The following GABRB1 variants were observed in gnomAD, a reference collection of about 807,000 sequenced individuals.
GABRB1 encodes gamma-aminobutyric acid type A receptor subunit beta1.
GABRB1 carries 17 observed loss-of-function variants against 51.6 expected under a neutral mutation model. The observed-to-expected ratio is 0.33, with a 90% CI of 0.23 to 0.49. The LOEUF is 0.49. Ranked by LOEUF, GABRB1 falls within the 20% of genes least tolerant of loss-of-function variation. The probability of loss-of-function intolerance (pLI) is 0.99; values close to 1 mark genes in which losing one functional copy is unlikely to be tolerated. For missense variants in GABRB1, 410 were observed against 600.6 expected (o/e 0.68, Z 3.32); for synonymous variants, 247 against 218.9 (o/e 1.13, Z -1.14).
At chr4:47,131,816 A>G (rs1052718706) in intron 3 of GABRB1, among the ~76,000 whole-genome samples, 2 of 152,198 alleles carry the variant, frequency 1.3e-5, no homozygotes. Context: ...GAAATGATTT[A>G]AGAACTTTGT....
intron 4 of GABRB1, among the ~76,000 whole-genome samples, chr4:47,305,930 T>A (rs559389307): frequency 3.2e-4 from 49 of 152,256 alleles, no homozygotes; most frequent in African/African-American, 1.1e-3. Context: ...TTTCTTTTTT[T>A]AAATATCAGA....
chr4:47,292,479 G>C (rs557297293), intron 4 of GABRB1, among the ~76,000 whole-genome samples: 7 of 152,278 alleles, frequency 4.6e-5, no homozygotes, highest in African/African-American at 1.7e-4. Flanking sequence ...ATATCTTTAG[G>C]CAAGCCCCTT....
intron 1 of GABRB1, among the ~76,000 whole-genome samples, chr4:47,020,712 C>T (rs1435256641): frequency 6.6e-6 from 1 of 152,136 alleles, no homozygotes; most frequent in African/African-American, 2.4e-5. Context: ...TATAATTTTC[C>T]CACTTGGATT....
intron 4 of GABRB1, among the ~76,000 whole-genome samples, chr4:47,234,185 C>G (rs986629379): frequency 1.3e-5 from 2 of 151,956 alleles, no homozygotes; most frequent in Admixed American, 1.3e-4. Context: ...ATGACAGCAA[C>G]CCCATCATTT....
chr4:47,297,628 C>T (rs1724056986), intron 4 of GABRB1, among the ~76,000 whole-genome samples: 1 of 152,130 alleles, frequency 6.6e-6, no homozygotes, highest in African/African-American at 2.4e-5. Flanking sequence ...AGCTTACCAA[C>T]CAAAAAGAGT....
At chr4:47,046,909 C>T (rs1726116440) in intron 3 of GABRB1, among the ~76,000 whole-genome samples, 1 of 152,060 alleles carries the variant, frequency 6.6e-6, no homozygotes, top group Non-Finnish European at 1.5e-5. Flanking sequence ...CCAAATACGG[C>T]ATGTTTTCAG....
At chr4:47,171,767 C>T (rs1401515439) in intron 4 of GABRB1, among the ~76,000 whole-genome samples, 1 of 152,080 alleles carries the variant, frequency 6.6e-6, no homozygotes, top group East Asian at 1.9e-4. Context: ...TGAGATAATA[C>T]TATCGCCTAT....
At chr4:47,096,432 T>C (rs1560532495) in intron 3 of GABRB1, among the ~76,000 whole-genome samples, 1 of 152,152 alleles carries the variant, frequency 6.6e-6, no homozygotes, top group Non-Finnish European at 1.5e-5. Context: ...AATGTACCAA[T>C]AACAGTAATA....
At chr4:47,197,548 G>T (rs6810554) in intron 4 of GABRB1, among the ~76,000 whole-genome samples, 129,184 of 152,154 alleles carry the variant, frequency 0.85, 54,818 homozygotes, top group Middle Eastern at 0.92. Flanking sequence ...AAACAATAGT[G>T]CTGCTACAAT....
intron 8 of GABRB1, among the ~76,000 whole-genome samples, chr4:47,409,773 A>G (rs1279925605): frequency 5.9e-5 from 9 of 152,250 alleles, no homozygotes. Context: ...AACTGGAATC[A>G]ATTTATTCAG....
chr4:47,337,038 GA>G (rs1359618369), intron 5 of GABRB1, among the ~76,000 whole-genome samples: 1 of 152,154 alleles, frequency 6.6e-6, no homozygotes, highest in Non-Finnish European at 1.5e-5. Flanking sequence ...GCCAAACATA[GA>G]AAAAGGAGAA....
At chr4:47,207,920 A>G (rs1380892382) in intron 4 of GABRB1, among the ~76,000 whole-genome samples, 4 of 152,078 alleles carry the variant, frequency 2.6e-5, no homozygotes, top group African/African-American at 9.6e-5. Flanking sequence ...ATTACTGCCT[A>G]TAACTTCTTC....
chr4:47,185,539 T>A (rs1267061577), intron 4 of GABRB1, among the ~76,000 whole-genome samples: 2 of 151,744 alleles, frequency 1.3e-5, no homozygotes, highest in Admixed American at 6.6e-5. Context: ...TATAGAGCCA[T>A]CCACTGCTCA....
At chr4:47,019,531 G>A (rs964667943) in intron 1 of GABRB1, among the ~76,000 whole-genome samples, 2 of 145,806 alleles carry the variant, frequency 1.4e-5, no homozygotes, top group Non-Finnish European at 3.0e-5. Flanking sequence ...CCAAGATAAA[G>A]GTGTCAGCAG....
chr4:47,073,469 A>AG (rs1161893798), intron 3 of GABRB1, among the ~76,000 whole-genome samples: 1 of 152,198 alleles, frequency 6.6e-6, no homozygotes, highest in Non-Finnish European at 1.5e-5. Flanking sequence ...CAGTGTTCTA[A>AG]GAGGCATAAA....
intron 4 of GABRB1, among the ~76,000 whole-genome samples, chr4:47,247,394 C>A (rs1043741206): frequency 6.6e-6 from 1 of 152,066 alleles, no homozygotes; most frequent in Non-Finnish European, 1.5e-5. Flanking sequence ...TATTTTTATA[C>A]CAGTACCATG....
chr4:47,403,680 C>A lies in GABRB1; in HGVS notation c.804C>A (p.Asn268Lys). 1 of 1,613,492 alleles carries A rather than the reference C, an allele frequency of 6.2e-7. No homozygotes were observed. The highest frequency in any genetic ancestry group is 8.5e-7 in the Non-Finnish European group (1 of 1,179,882). ...TILSWVSFWI[N>K]YDASAARVAL... ...TGTCCTGGGTGTCTTTTTGGATCAACTATGATGCATCTGCAGCCAGAGTCG... is the reference window on the plus strand; with the variant it reads ...TGTCCTGGGTGTCTTTTTGGATCAAATATGATGCATCTGCAGCCAGAGTCG... The change falls in exon 7 of 9, where the codon AAC (asparagine) becomes AAA (lysine). Residue 268 changes from asparagine to lysine, a missense_variant. Asn to Lys is a moderately conservative substitution (Grantham distance 94). Transcript: ENST00000295454.
intron 3 of GABRB1, among the ~76,000 whole-genome samples, chr4:47,114,412 G>A (rs1715378488): frequency 6.6e-6 from 1 of 152,042 alleles, no homozygotes; most frequent in Non-Finnish European, 1.5e-5. Flanking sequence ...TCAAGGTTGG[G>A]CACTAAAAGT....
chr4:47,299,884 T>A (rs1429623071), intron 4 of GABRB1, among the ~76,000 whole-genome samples: 1 of 151,720 alleles, frequency 6.6e-6, no homozygotes, highest in Non-Finnish European at 1.5e-5. Flanking sequence ...ATGTGGCACA[T>A]ATACACCACG....
Sources: allele counts gnomAD v4.1 joint callset (sites outside exome capture counted in the v4.1 genomes callset), GRCh38; gene constraint gnomAD v4.1.1; transcripts MANE v1.5; gene names NCBI Gene and HGNC (gene_info 2026-07-23, HGNC 2026-07-21).